Variants in QTGAL observed in about 807,000 individuals in gnomAD.
QTGAL encodes queuosine-tRNA galactosyltransferase.
the QTGAL span, among the ~76,000 whole-genome samples, chr17:83,026,864 C>T: frequency 1.1e-5 from 1 of 95,004 alleles, no homozygotes; most frequent in African/African-American, 5.1e-5. Flanking sequence ...ACACACAGAG[C>T]GGGGCAGGAA....
the QTGAL span, chr17:82,946,071 G>A: frequency 6.6e-6 from 1 of 152,180 alleles, no homozygotes; most frequent in African/African-American, 2.4e-5. Flanking sequence ...TCAGTTATCA[G>A]CTTGGCTAGG....
the QTGAL span, among the ~76,000 whole-genome samples, chr17:83,024,914 T>G: frequency 6.6e-6 from 1 of 152,202 alleles, no homozygotes; most frequent in Non-Finnish European, 1.5e-5. Context: ...AAACGGCTAC[T>G]GCTGGCCAGG....
the QTGAL span, chr17:83,004,978 T>G: frequency 1.6e-6 from 1 of 641,612 alleles, no homozygotes; most frequent in Non-Finnish European, 2.6e-6. Context: ...GTGCGATTGA[T>G]GGCATGTGAG....
At chr17:82,967,972 C>T in the QTGAL span, among the ~76,000 whole-genome samples, 1 of 152,086 alleles carries the variant, frequency 6.6e-6, no homozygotes. Flanking sequence ...AAAATAAACA[C>T]TGACAGTACC....
At chr17:82,961,271 A>G in the QTGAL span, 1 of 1,499,858 alleles carries the variant, frequency 6.7e-7, no homozygotes, top group African/African-American at 1.4e-5. Context: ...CAGCCGGCCA[A>G]CCAGGAACCG....
the QTGAL span, chr17:83,006,140 C>T: frequency 8.2e-4 from 813 of 987,636 alleles, 6 homozygotes; most frequent in African/African-American, 0.013. The surrounding 1 kb of genome is among the most constrained non-coding windows in gnomAD (Gnocchi z 5.8). Flanking sequence ...CAGCTGATTC[C>T]GTCTCACCCA....
chr17:82,950,369 TACC>T, the QTGAL span, among the ~76,000 whole-genome samples: 1 of 152,190 alleles, frequency 6.6e-6, no homozygotes, highest in Admixed American at 6.5e-5. Flanking sequence ...TTGCGAGAAT[TACC>T]ACAAGGAGAC....
chr17:83,028,436 A>G, the QTGAL span, among the ~76,000 whole-genome samples: 2 of 148,774 alleles, frequency 1.3e-5, no homozygotes, highest in African/African-American at 5.0e-5. Context: ...AGGCAGGAGA[A>G]TGGCGTGAAC....
At chr17:82,979,183 T>G in the QTGAL span, among the ~76,000 whole-genome samples, 23 of 152,166 alleles carry the variant, frequency 1.5e-4, no homozygotes, top group Admixed American at 1.1e-3. Context: ...AACCAAGAGC[T>G]GGCTCTTTGA....
the QTGAL span, among the ~76,000 whole-genome samples, chr17:83,015,541 C>T: frequency 6.6e-6 from 1 of 152,232 alleles, no homozygotes; most frequent in Non-Finnish European, 1.5e-5. The surrounding 1 kb of genome is among the most constrained non-coding windows in gnomAD (Gnocchi z 4.4). Context: ...ATGGTATTTT[C>T]CCCTTATTTA....
At chr17:83,008,782 G>A in the QTGAL span, among the ~76,000 whole-genome samples, 1,748 of 152,208 alleles carry the variant, frequency 0.011, 36 homozygotes, top group African/African-American at 0.04. Context: ...GCGAGTGCGC[G>A]GGCTCCAGAT....
the QTGAL span, among the ~76,000 whole-genome samples, chr17:83,022,370 T>G: frequency 1.4e-5 from 1 of 72,768 alleles, no homozygotes; most frequent in African/African-American, 6.1e-5. Flanking sequence ...AGCTTAGCAC[T>G]GTCCCCGGCC....
chr17:83,014,119 T>G, the QTGAL span, among the ~76,000 whole-genome samples: 1 of 152,314 alleles, frequency 6.6e-6, no homozygotes, highest in Admixed American at 6.5e-5. Flanking sequence ...TAAGATCGTC[T>G]AAATAAGAAA....
chr17:82,957,195 G>A, the QTGAL span: 1 of 1,614,198 alleles, frequency 6.2e-7, no homozygotes, highest in Non-Finnish European at 8.5e-7. Flanking sequence ...GAGTCCTCGT[G>A]GCAATAGAAG....
the QTGAL span, chr17:82,947,129 G>A: frequency 3.1e-6 from 2 of 641,306 alleles, no homozygotes; most frequent in Middle Eastern, 4.3e-4. Context: ...GAGGCTGGAA[G>A]GAGACAAAGG....
the QTGAL span, chr17:82,942,475 G>A: frequency 6.2e-7 from 1 of 1,613,986 alleles, no homozygotes; most frequent in Non-Finnish European, 8.5e-7. Flanking sequence ...GCCAGTCCTG[G>A]AGCCCATACC....
the QTGAL span, chr17:82,947,259 C>T: frequency 2.2e-6 from 1 of 462,364 alleles, no homozygotes; most frequent in Non-Finnish European, 3.9e-6. Context: ...TCCCTGGGGG[C>T]ACTCGGAATG....
chr17:83,036,916 C>T, the QTGAL span, among the ~76,000 whole-genome samples: 1 of 152,194 alleles, frequency 6.6e-6, no homozygotes, highest in East Asian at 1.9e-4. Context: ...GAAATTCATG[C>T]GTGGCAAGCT....
At chr17:83,032,982 G>C in the QTGAL span, among the ~76,000 whole-genome samples, 1 of 152,228 alleles carries the variant, frequency 6.6e-6, no homozygotes, top group Non-Finnish European at 1.5e-5. Flanking sequence ...GGAGAGGAAC[G>C]GGCGGCTCCC....
Sources: gnomAD v4.1 joint callset for allele counts (sites outside exome capture counted in the v4.1 genomes callset) on GRCh38, gnomAD v4.1.1 for gene constraint, Gnocchi (gnomAD v3.1) non-coding constraint, MANE v1.5 for transcripts, NCBI Gene and HGNC (gene_info 2026-07-23, HGNC 2026-07-21) for gene names.